The following CACNA1H variants were observed in gnomAD, a reference collection of about 807,000 sequenced individuals.
CACNA1H encodes the protein calcium voltage-gated channel subunit alpha1 H.
A neutral mutation model predicts 192.5 loss-of-function variants in CACNA1H; 149 were observed. The ratio of observed to expected loss-of-function variants is 0.77; its 90% CI spans 0.68 to 0.89. The LOEUF (loss-of-function observed/expected upper bound fraction) is 0.89. CACNA1H is among the 40% of genes least tolerant of loss of function. CACNA1H has a pLI of 0.00. For missense variants in CACNA1H, 4,257 were observed against 3,423.5 expected, an observed-to-expected ratio of 1.24 and a Z score of -6.08; for synonymous variants, 2,202 against 1,475.2, an observed-to-expected ratio of 1.49 and a Z score of -11.29.
chr16:1,158,996 G>A (rs1040385065), intron 2 of CACNA1H, among the ~76,000 whole-genome samples: 2 of 152,212 alleles, frequency 1.3e-5, no homozygotes, highest in Admixed American at 1.3e-4. Flanking sequence ...ATCCTTCATC[G>A]CTGGGATCGT....
In CACNA1H at chr16:1,205,207, C is replaced by T. The variant is rs370675810; in HGVS notation, c.2545C>T (p.Pro849Ser). The change falls in exon 11 of 35, where the codon CCT (proline) becomes TCT (serine). Residue 849 changes from proline (P) to serine (S), a missense_variant. Physicochemically the swap from Pro to Ser is moderately conservative, Grantham distance 74. Transcript: ENST00000348261. ...GCTGCTGAAGCTGCTGGCCTGCGGC[C>T]CTCTGGGCTACATCCGGAACCCGTA... ...EMLLKLLACG[P>S]LGYIRNPYNI... 2.3e-5 allele frequency: 37 copies of T among 1,613,044 alleles called. No homozygotes were observed. The African/African-American group carries it at 3.5e-4, about 15-fold the overall frequency.
At chr16:1,181,877 C>T (rs1420849535) in intron 2 of CACNA1H, among the ~76,000 whole-genome samples, 1 of 152,194 alleles carries the variant, frequency 6.6e-6, no homozygotes, top group Non-Finnish European at 1.5e-5. Flanking sequence ...CGGACACGCG[C>T]CTCAGGTCCC....
In CACNA1H at chr16:1,218,979, C is replaced by T. The variant is rs72552054; in HGVS notation, c.5897C>T (p.Ala1966Val). The change falls in exon 34 of 35, where the codon GCC becomes GTC. Residue 1966 changes from alanine to valine, a missense_variant. Coordinates refer to ENST00000348261, the MANE Select transcript of CACNA1H (RefSeq NM_021098.3). ...TTCTTCCCTGCCCCAGGCTCCGTTG[C>T]CTCTGTGCACTCTCCGCCCGCAGAG... Reference protein sequence around the residue: ...YGAGTPLGSVASVHSPPAESC... With the variant: ...YGAGTPLGSVVSVHSPPAESC... 33,528 of 1,550,154 alleles carry T rather than the reference C, an allele frequency of 0.022. 431 individuals carry two copies. The highest frequency in any genetic ancestry group is 0.025 in the Non-Finnish European group (28,150 of 1,146,830).
chr16:1,158,585 C>T (rs948909715), intron 2 of CACNA1H, among the ~76,000 whole-genome samples: 4 of 152,218 alleles, frequency 2.6e-5, no homozygotes, highest in Non-Finnish European at 1.5e-5. Flanking sequence ...TGAGCTCACC[C>T]TCCGGGTCGG....
intron 2 of CACNA1H, among the ~76,000 whole-genome samples, chr16:1,160,783 G>A (rs916270976): frequency 1.3e-5 from 2 of 152,204 alleles, no homozygotes; most frequent in Admixed American, 6.5e-5. Context: ...TCGCTTGCCG[G>A]GAGCGGGAGC....
intron 31 of CACNA1H, among the ~76,000 whole-genome samples, 153 bp from the exon 32 acceptor site, chr16:1,217,766 T>A (rs1970150448): frequency 6.6e-6 from 1 of 152,236 alleles, no homozygotes; most frequent in South Asian, 2.1e-4. Flanking sequence ...GGTCACCCTC[T>A]GCCAGGCAGG....
At chr16:1,210,330 G>GCCCCCCCC in intron 18 of CACNA1H, 40 bp from the exon 19 acceptor site, 1 of 1,407,114 alleles carries the variant, frequency 7.1e-7, no homozygotes, top group Non-Finnish European at 9.7e-7. Flanking sequence ...TGCCATCCAC[G>GCCCCCCCC]CCGCCCCGCC....
intron 31 of CACNA1H, 84 bp from the exon 32 acceptor site, chr16:1,217,835 C>T: frequency 1.3e-6 from 2 of 1,485,672 alleles, no homozygotes; most frequent in South Asian, 1.3e-5. Context: ...CTGGGCTCCC[C>T]AAGGGGCATG....
At chr16:1,203,894 G>C (rs1454488082) in intron 9 of CACNA1H, 116 bp from the exon 10 acceptor site, 4 of 723,736 alleles carry the variant, frequency 5.5e-6, no homozygotes, top group Non-Finnish European at 8.9e-6. Context: ...TTGGACTCTG[G>C]ATGGATCTTT....
At chr16:1,183,684 C>T (rs554986839) in intron 2 of CACNA1H, among the ~76,000 whole-genome samples, 3 of 152,268 alleles carry the variant, frequency 2.0e-5, no homozygotes, top group Admixed American at 1.3e-4. Context: ...CCGTCCCGTC[C>T]TGCAGGTTTG....
intron 3 of CACNA1H, 127 bp downstream of exon 3, chr16:1,195,210 A>T: frequency 2.6e-6 from 1 of 390,372 alleles, no homozygotes; most frequent in East Asian, 9.1e-5. Context: ...GTCGGGGATC[A>T]GGGCGAGGTT....
Position 1,221,069 on chromosome 16 carries a change from C to T in CACNA1H, c.*75C>T. 1.8e-6 allele frequency: 2 copies of T among 1,136,488 alleles called. No individual in the cohort carries two copies. The highest frequency in any genetic ancestry group is 2.5e-6 in the Non-Finnish European group (2 of 812,240). 70.4% of individuals were successfully genotyped at this position (1,136,488 alleles called of 1,614,324 possible). On this transcript the variant is annotated 3_prime_UTR_variant, in exon 35 of 35. Coordinates refer to ENST00000348261, the MANE Select transcript of CACNA1H (RefSeq NM_021098.3). Reference sequence around the variant, plus strand: ...CGCTGGGGTGGAGGCCCAGGCAGAACCCTGCATGGACCCTGACTTGGGTCC... The same window carrying T: ...CGCTGGGGTGGAGGCCCAGGCAGAATCCTGCATGGACCCTGACTTGGGTCC...
Position 1,219,702 on chromosome 16 carries a change from G to T in CACNA1H, c.6049-279G>T, listed in dbSNP as rs564804509. Reference sequence around the variant, plus strand: ...TGGGCTGCTGATGTCCAGGGGTGGGGAGGTGGCCTCAGCCTCAGCTCTGTG... The same window carrying T: ...TGGGCTGCTGATGTCCAGGGGTGGGTAGGTGGCCTCAGCCTCAGCTCTGTG... On this transcript the variant is annotated intron_variant, in intron 34 of 34. Coordinates refer to ENST00000348261, the MANE Select transcript of CACNA1H (RefSeq NM_021098.3). Among the ~76,000 whole-genome samples, 182 of 152,322 alleles carry T rather than the reference G, an allele frequency of 1.2e-3. 1 individual carries two copies. The highest frequency in any genetic ancestry group is 2.9e-3 in the South Asian group (14 of 4,832).
chr16:1,205,568 G>A (rs966590439), intron 11 of CACNA1H, among the ~76,000 whole-genome samples: 5 of 152,350 alleles, frequency 3.3e-5, no homozygotes, highest in African/African-American at 9.6e-5. Context: ...AAGCAGGTGT[G>A]GGGTGGCCTC....
At chr16:1,212,610 G>C in intron 26 of CACNA1H, 82 bp downstream of exon 26, 1 of 1,525,090 alleles carries the variant, frequency 6.6e-7, no homozygotes, top group Non-Finnish European at 8.9e-7. Context: ...GGCCTGCTGG[G>C]GTCCTCCGCA....
At chr16:1,219,809 T>A (rs954186248) in intron 34 of CACNA1H, among the ~76,000 whole-genome samples, 172 bp from the exon 35 acceptor site, 2 of 152,078 alleles carry the variant, frequency 1.3e-5, no homozygotes, top group East Asian at 3.9e-4. Flanking sequence ...GGAGTGAGAC[T>A]AGGACGTCCA....
rs983437887 is a variant in CACNA1H at position 1,153,868 on chromosome 16, C to T, written c.131C>T (p.Ser44Phe). The T allele has an allele frequency of 2.5e-5, 35 of 1,389,864 alleles. No individual in the cohort carries two copies. The highest frequency in any genetic ancestry group is 3.2e-5 in the Non-Finnish European group (34 of 1,068,810). The allele number at this position is 1,389,864 out of a possible 1,614,324, so 86.1% of individuals were successfully genotyped here. Residue 44 changes from serine (S) to phenylalanine (F), a missense_variant, in exon 2 of 35, where the codon TCC becomes TTC. Coordinates refer to ENST00000348261, the MANE Select transcript of CACNA1H (RefSeq NM_021098.3). ...CCGGGACGCGAGGCGGAGCGGGGGT[C>T]CGAGCTCGGCGTGTCACCCTCCGAG... ...GAPGREAERG[S>F]ELGVSPSESP...
In CACNA1H at chr16:1,221,744, A is replaced by G; in HGVS notation, c.*750A>G. ...AAGGGAGAGGGAGGGGGCGGAGCGGAATAAATAGTAACTTATTTAAGAAAT... is the reference window on the plus strand; with the variant it reads ...AAGGGAGAGGGAGGGGGCGGAGCGGGATAAATAGTAACTTATTTAAGAAAT... On this transcript the variant is annotated 3_prime_UTR_variant, in exon 35 of 35. Coordinates refer to ENST00000348261, the MANE Select transcript of CACNA1H (RefSeq NM_021098.3). 3.3e-6 allele frequency: 5 copies of G among 1,534,718 alleles called. No homozygotes were observed. Among genetic ancestry groups the G allele is most frequent in the Non-Finnish European group, 4.4e-6 (5 of 1,133,662 alleles).
intron 2 of CACNA1H, among the ~76,000 whole-genome samples, chr16:1,194,432 G>C (rs978169514): frequency 2.0e-5 from 3 of 152,172 alleles, no homozygotes; most frequent in Non-Finnish European, 4.4e-5. Context: ...CCCTGGGACA[G>C]GGGCCCTGGA....
Sources: allele counts gnomAD v4.1 joint callset (sites outside exome capture counted in the v4.1 genomes callset), GRCh38; gene constraint gnomAD v4.1.1; transcripts MANE v1.5; gene names NCBI Gene and HGNC (gene_info 2026-07-23, HGNC 2026-07-21).